Variants in RAI14 observed in about 807,000 individuals in gnomAD.
The protein encoded by RAI14 is ankycorbin.
Under a neutral mutation model 115.4 loss-of-function variants are expected in RAI14, and 45 were observed. That is an observed-to-expected ratio of 0.39 (90% CI 0.31 to 0.50). The LOEUF is 0.50. Among genes scored for constraint, RAI14 ranks in the 20% least tolerant of loss-of-function variants. The probability of loss-of-function intolerance (pLI) is 0.85; values close to 1 mark genes in which losing one functional copy is unlikely to be tolerated. For missense variants in RAI14, 939 were observed against 1,131.2 expected, an observed-to-expected ratio of 0.83 and a Z score of 2.44; for synonymous variants, 371 against 415.4, an observed-to-expected ratio of 0.89 and a Z score of 1.30.
At chr5:34,722,317 G>A (rs533832302) in intron 2 of RAI14, among the ~76,000 whole-genome samples, 1 of 150,554 alleles carries the variant, frequency 6.6e-6, no homozygotes, top group East Asian at 2.0e-4. Flanking sequence ...ACACACACAA[G>A]GGATGTACAT....
intron 2 of RAI14, among the ~76,000 whole-genome samples, chr5:34,742,002 G>A (rs1026759889): frequency 2.6e-5 from 4 of 152,186 alleles, no homozygotes; most frequent in African/African-American, 9.7e-5. Flanking sequence ...AACCAAAAAG[G>A]TGTTTGTTGA....
chr5:34,739,927 G>A (rs1745297901), intron 2 of RAI14, among the ~76,000 whole-genome samples: 1 of 152,076 alleles, frequency 6.6e-6, no homozygotes, highest in Admixed American at 6.6e-5. Flanking sequence ...CAGGTGTGGT[G>A]GCACACACCT....
At chr5:34,822,410 A>G (rs1019116312) in intron 14 of RAI14, among the ~76,000 whole-genome samples, 1 of 151,158 alleles carries the variant, frequency 6.6e-6, no homozygotes, top group Non-Finnish European at 1.5e-5. Flanking sequence ...GAATGATATA[A>G]GAAATAAAGG....
intron 3 of RAI14, among the ~76,000 whole-genome samples, chr5:34,782,271 CT>C (rs1416865404): frequency 6.6e-6 from 1 of 152,144 alleles, no homozygotes; most frequent in African/African-American, 2.4e-5. Flanking sequence ...ACATGTCCCC[CT>C]TGTCTTTTTT....
chr5:34,692,405 C>T (rs1321631846), intron 2 of RAI14, among the ~76,000 whole-genome samples: 8 of 151,962 alleles, frequency 5.3e-5, no homozygotes, highest in Non-Finnish European at 2.9e-5. Context: ...ACCACACATA[C>T]ATGCACATAC....
intron 4 of RAI14, among the ~76,000 whole-genome samples, chr5:34,797,583 A>G (rs1753697271): frequency 6.6e-6 from 1 of 152,222 alleles, no homozygotes; most frequent in Non-Finnish European, 1.5e-5. Flanking sequence ...GCAGTTCCAC[A>G]GAAAGTTCCA....
intron 2 of RAI14, among the ~76,000 whole-genome samples, chr5:34,751,032 G>A (rs1375112261): frequency 1.3e-5 from 2 of 151,362 alleles, no homozygotes; most frequent in Admixed American, 6.6e-5. Flanking sequence ...TGGATTTTTA[G>A]TAGAGACAGG....
chr5:34,754,575 C>CCGCG (rs1561315451), intron 2 of RAI14, among the ~76,000 whole-genome samples: 2 of 131,508 alleles, frequency 1.5e-5, no homozygotes, highest in Admixed American at 7.5e-5. Flanking sequence ...TTACTGTGAA[C>CCGCG]CCCATCTGCA....
At chr5:34,775,040 G>T (rs746624603) in intron 3 of RAI14, among the ~76,000 whole-genome samples, 1 of 152,146 alleles carries the variant, frequency 6.6e-6, no homozygotes, top group African/African-American at 2.4e-5. Context: ...TTCAGTAAAT[G>T]GTGGTGGGAA....
intron 4 of RAI14, among the ~76,000 whole-genome samples, chr5:34,799,540 A>C (rs1218057165): frequency 3.7e-5 from 2 of 53,774 alleles, no homozygotes; most frequent in Non-Finnish European, 9.7e-5. Flanking sequence ...ACACACACAC[A>C]AAACCACCTT....
At chr5:34,752,747 G>GTATATATATATATATATA (rs1401812633) in intron 2 of RAI14, among the ~76,000 whole-genome samples, 14 of 109,556 alleles carry the variant, frequency 1.3e-4, no homozygotes, top group African/African-American at 5.3e-4. Context: ...GTGTGTGTGT[G>GTATATATATATATATATA]TGTATATATA....
At chr5:34,739,361 C>G (rs1745223134) in intron 2 of RAI14, among the ~76,000 whole-genome samples, 1 of 152,106 alleles carries the variant, frequency 6.6e-6, no homozygotes, top group East Asian at 1.9e-4. Flanking sequence ...CTTCTGGGTT[C>G]TTGCTTTTAA....
At chr5:34,716,325 G>A (rs138821319) in intron 2 of RAI14, 5,692 of 206,274 alleles carry the variant, frequency 0.028, 137 homozygotes, top group Non-Finnish European at 0.036. Flanking sequence ...CAGCTGATCT[G>A]CCTCCATCCA....
chr5:34,826,298 T>C (rs926963998), intron 15 of RAI14, 32 bp from the exon 16 acceptor site: 1 of 1,593,470 alleles, frequency 6.3e-7, no homozygotes, highest in Non-Finnish European at 8.6e-7. Context: ...GACATGTTAC[T>C]GTCTGCTAAT....
intron 15 of RAI14, 94 bp downstream of exon 15, chr5:34,824,585 C>A: frequency 9.9e-7 from 1 of 1,013,792 alleles, no homozygotes. Flanking sequence ...TGGCACTAAA[C>A]TGGAGTGAAT....
At chr5:34,711,694 T>G (rs1305753578) in intron 2 of RAI14, among the ~76,000 whole-genome samples, 1 of 152,132 alleles carries the variant, frequency 6.6e-6, no homozygotes, top group Non-Finnish European at 1.5e-5. Context: ...AAGACAGCTG[T>G]CTATGAACCA....
At chr5:34,753,157 C>G (rs1055123745) in intron 2 of RAI14, among the ~76,000 whole-genome samples, 10 of 151,972 alleles carry the variant, frequency 6.6e-5, no homozygotes, top group African/African-American at 2.4e-4. Context: ...GGAGGGCATG[C>G]TAGTTAGAGG....
intron 12 of RAI14, 121 bp from the exon 13 acceptor site, chr5:34,818,676 C>T: frequency 1.6e-6 from 1 of 627,438 alleles, no homozygotes; most frequent in Non-Finnish European, 2.6e-6. Flanking sequence ...TTTCTAGCTG[C>T]TTTTCTAGTA....
At chr5:34,734,574 C>A (rs745821014) in intron 2 of RAI14, among the ~76,000 whole-genome samples, 3 of 151,696 alleles carry the variant, frequency 2.0e-5, no homozygotes, top group Non-Finnish European at 4.4e-5. Context: ...TTAGTGATCT[C>A]AAAGATTAAA....
Sources: gnomAD v4.1 joint callset for allele counts (sites outside exome capture counted in the v4.1 genomes callset) on GRCh38, gnomAD v4.1.1 for gene constraint, MANE v1.5 for transcripts, NCBI Gene and HGNC (gene_info 2026-07-23, HGNC 2026-07-21) for gene names.